The following ARMCX4 variants were observed in gnomAD, a reference collection of about 807,000 sequenced individuals.
ARMCX4 encodes the protein armadillo repeat containing X-linked 4.
A neutral mutation model predicts 34.7 loss-of-function variants in ARMCX4; 3 were observed. That is an observed-to-expected ratio of 0.09 (90% confidence interval 0.04 to 0.22). The LOEUF (loss-of-function observed/expected upper bound fraction) is 0.22, where lower values mean the gene tolerates loss of function less well. Among genes scored for constraint, ARMCX4 ranks in the 10% least tolerant of loss-of-function variants. The pLI is 1.00. For synonymous variants in ARMCX4, 513 were observed against 632.8 expected, an observed-to-expected ratio of 0.81 and a Z score of 2.84; for missense variants, 1,448 against 1,720.8, an observed-to-expected ratio of 0.84 and a Z score of 2.81.
chrX:101,512,270 C>G (rs907381639), intron 11 of ARMCX4, among the ~76,000 whole-genome samples: 3 of 111,450 alleles, frequency 2.7e-5, no homozygotes, highest in Admixed American at 9.5e-5. Flanking sequence ...TAATCTCAGG[C>G]TGAGGCAGGA....
rs1233034208 is a variant in ARMCX4 at position 101,471,683 on chromosome X, C to T, written c.-472-14340C>T. On this transcript the variant is annotated intron_variant and NMD_transcript_variant, in intron 4 of 15. Transcript: ENST00000433011. ...GGAGCAGCCTAACTAGGAGGCACCC[C>T]CCAGCAGGGGCACACTGACACCTCA... Among the ~76,000 whole-genome samples, 5 of 111,442 alleles carry T rather than the reference C, an allele frequency of 4.5e-5. 1 individual carries two copies. In the Middle Eastern group the frequency reaches 0.014, roughly 311 times the overall value.
intron 4 of ARMCX4, among the ~76,000 whole-genome samples, chrX:101,463,621 G>A (rs1307643204): frequency 8.9e-6 from 1 of 112,247 alleles, no homozygotes; most frequent in Admixed American, 9.5e-5. Flanking sequence ...TGGGGTTATA[G>A]AAGTAAGAGA....
chrX:101,439,321 A>G (rs1185409967), intron 2 of ARMCX4, among the ~76,000 whole-genome samples: 1 of 111,384 alleles, frequency 9.0e-6, no homozygotes, highest in Admixed American at 9.6e-5. Flanking sequence ...TGGCTTGTAG[A>G]GTTTCTGCCG....
At chrX:101,465,666 C>A (rs60419128) in intron 4 of ARMCX4, among the ~76,000 whole-genome samples, 5,513 of 111,582 alleles carry the variant, frequency 0.049, 341 homozygotes, top group African/African-American at 0.17. Flanking sequence ...ATAAGTAAGA[C>A]TAACAAATAT....
intron 7 of ARMCX4, among the ~76,000 whole-genome samples, chrX:101,503,120 C>A (rs1272789082): frequency 9.1e-6 from 1 of 109,516 alleles, no homozygotes. Context: ...TGAATTCATC[C>A]TTTTTTATGG....
intron 11 of ARMCX4, among the ~76,000 whole-genome samples, chrX:101,524,592 C>A (rs1002856952): frequency 2.7e-5 from 3 of 111,718 alleles, no homozygotes; most frequent in African/African-American, 9.8e-5. Flanking sequence ...CCTGGAAAAT[C>A]GGGACACTCC....
chrX:101,487,031 C>G (rs1176070023), intron 2 of ARMCX4, among the ~76,000 whole-genome samples, 162 bp from the exon 3 acceptor site: 1 of 109,064 alleles, frequency 9.2e-6, no homozygotes, highest in East Asian at 2.8e-4. Context: ...TCCATCCTTC[C>G]CATTTCAGTG....
At chrX:101,527,766 C>T (rs782270742) in intron 11 of ARMCX4, among the ~76,000 whole-genome samples, 1 of 111,741 alleles carries the variant, frequency 8.9e-6, no homozygotes, top group East Asian at 2.8e-4. Context: ...ATACACCCTT[C>T]CAAGACTAAA....
Position 101,490,124 on chromosome X carries a change from G to A in ARMCX4, c.1535G>A (p.Gly512Asp), listed in dbSNP as rs781802826. ...EGAGVDMKAQ[G>D]MAQSQGEALP... ...GCTGGGGTGGATATGAAGGCTCAAG[G>A]TATGGCCCAGAGCCAGGGTGAAGCC... Residue 512 changes from glycine to aspartate, a missense_variant, in exon 6 of 6, where the codon GGT becomes GAT. Transcript: ENST00000423738. 3 of 1,156,033 alleles carry A rather than the reference G, an allele frequency of 2.6e-6. No homozygotes were observed. The highest frequency in any genetic ancestry group is 2.3e-6 in the Non-Finnish European group (2 of 872,983).
chrX:101,515,809 T>C (rs782060804), intron 11 of ARMCX4, among the ~76,000 whole-genome samples: 13 of 109,924 alleles, frequency 1.2e-4, no homozygotes, highest in African/African-American at 4.0e-4. Context: ...CCCAGAGTCT[T>C]GGGATTACAG....
intron 7 of ARMCX4, among the ~76,000 whole-genome samples, chrX:101,503,186 T>C (rs1556014184): frequency 9.0e-6 from 1 of 110,551 alleles, no homozygotes; most frequent in Non-Finnish European, 1.9e-5. Context: ...AGTCTATCAT[T>C]GTTGGACTTT....
chrX:101,454,138 T>A (rs1303442778), intron 4 of ARMCX4, among the ~76,000 whole-genome samples: 1 of 110,650 alleles, frequency 9.0e-6, no homozygotes, highest in African/African-American at 3.3e-5. Context: ...ACACTTGGGA[T>A]GGGGTGGGGA....
At chrX:101,434,684 C>T (rs1312874606) in intron 2 of ARMCX4, among the ~76,000 whole-genome samples, 6 of 109,497 alleles carry the variant, frequency 5.5e-5, no homozygotes, top group East Asian at 2.8e-4. Context: ...ATGTGCACAA[C>T]GTGCTGGTTA....
At chrX:101,459,914 C>T (rs1432814207) in intron 4 of ARMCX4, among the ~76,000 whole-genome samples, 8 of 112,089 alleles carry the variant, frequency 7.1e-5, no homozygotes, top group Admixed American at 3.8e-4. Context: ...CAAAGTTCAG[C>T]ATGCATCATC....
Position 101,495,564 on chromosome X carries a change from C to T in ARMCX4, c.*102C>T, listed in dbSNP as rs1229342040. On this transcript the variant is annotated 3_prime_UTR_variant, in exon 6 of 6. Transcript: ENST00000423738. ...ATTATAACTTTGAAACTGATGTTAC[C>T]TATGATGGTCTATAGCTGGACCATT... The T allele has an allele frequency of 4.9e-6, 4 of 817,411 alleles. No homozygotes were observed. Among genetic ancestry groups the T allele is most frequent in the South Asian group, 3.5e-5 (1 of 28,570 alleles). 67.4% of individuals were successfully genotyped at this position (817,411 alleles called of 1,213,427 possible).
At chrX:101,467,671 G>T (rs1310716449) in intron 4 of ARMCX4, among the ~76,000 whole-genome samples, 1 of 111,665 alleles carries the variant, frequency 9.0e-6, no homozygotes, top group African/African-American at 3.3e-5. Context: ...TCATGGTGGG[G>T]GGGGGACGGT....
In ARMCX4 at chrX:101,454,272, T is replaced by C. The variant is rs929136737; in HGVS notation, c.-473+8228T>C. On this transcript the variant is annotated intron_variant and NMD_transcript_variant, in intron 4 of 15. Coordinates refer to the ARMCX4 transcript ENST00000433011. ...AATACTTCCATCATGGCCAATTTCT[T>C]TTTTTTTTTTTATTTTTTTTTGAGA... 5.2e-5 allele frequency among the ~76,000 whole-genome samples: 5 copies of C among 95,699 alleles called. No individual in the cohort carries two copies. In the South Asian group the frequency reaches 2.4e-3, roughly 46 times the overall value. 83.1% of individuals were successfully genotyped at this position (95,699 alleles called of 115,157 possible).
At chrX:101,533,251 A>AT (rs1487914951) in exon 13 of ARMCX4, 1 of 110,346 alleles carries the variant, frequency 9.1e-6, no homozygotes, top group Non-Finnish European at 1.9e-5. Flanking sequence ...TCCCTTCAAG[A>AT]TTTTAGCTTC....
At chrX:101,486,254 T>C (rs1280350530) in intron 2 of ARMCX4, among the ~76,000 whole-genome samples, 162 bp downstream of exon 2, 1 of 111,191 alleles carries the variant, frequency 9.0e-6, no homozygotes, top group Admixed American at 9.6e-5. Flanking sequence ...TTAAATTGTA[T>C]GTTGAAGACC....
Sources: gnomAD v4.1 joint callset for allele counts (sites outside exome capture counted in the v4.1 genomes callset) on GRCh38, gnomAD v4.1.1 for gene constraint, MANE v1.5 for transcripts, NCBI Gene and HGNC (gene_info 2026-07-23, HGNC 2026-07-21) for gene names.